Variants in GPHN observed in about 807,000 individuals in gnomAD.
The protein encoded by GPHN is gephyrin.
GPHN carries 17 observed loss-of-function variants against 95.5 expected under a neutral mutation model. That is an observed-to-expected ratio of 0.18 (90% CI 0.12 to 0.27). The LOEUF (loss-of-function observed/expected upper bound fraction) is 0.27, where lower values mean the gene tolerates loss of function less well. Ranked by LOEUF, GPHN falls within the 10% of genes least tolerant of loss-of-function variation. The pLI, the probability that GPHN is intolerant of heterozygous loss-of-function variation, is 1.00. For synonymous variants in GPHN, 320 were observed against 322.5 expected (o/e 0.99, Z 0.08); for missense variants, 660 against 978.1 (o/e 0.67, Z 4.34).
chr14:66,866,812 C>G (rs1182678771), intron 4 of GPHN, among the ~76,000 whole-genome samples: 1 of 152,050 alleles, frequency 6.6e-6, no homozygotes, highest in Non-Finnish European at 1.5e-5. Context: ...GAATAATTAC[C>G]TTTAAACATT....
intron 17 of GPHN, among the ~76,000 whole-genome samples, chr14:67,137,694 T>C (rs2080177870): frequency 6.6e-6 from 1 of 151,940 alleles, no homozygotes; most frequent in Non-Finnish European, 1.5e-5. Context: ...TAGCCTGGTA[T>C]GTGGAGGCTG....
intron 11 of GPHN, among the ~76,000 whole-genome samples, chr14:67,077,008 G>A (rs116038111): frequency 1.6e-4 from 24 of 152,234 alleles, no homozygotes; most frequent in African/African-American, 5.5e-4. Flanking sequence ...ATTTTGATAA[G>A]TGACTTTGAG....
At chr14:66,750,806 CAT>C (rs967384203) in intron 2 of GPHN, among the ~76,000 whole-genome samples, 5 of 151,962 alleles carry the variant, frequency 3.3e-5, no homozygotes, top group African/African-American at 9.7e-5. Flanking sequence ...CTTACTGCCA[CAT>C]ATTACTATTA....
the GPHN span, among the ~76,000 whole-genome samples, chr14:67,192,892 A>G: frequency 6.1e-4 from 90 of 146,424 alleles, 2 homozygotes; most frequent in African/African-American, 2.2e-3. Context: ...ATATCTAGAT[A>G]TCGATATCTA....
At chr14:66,728,580 G>A (rs886464857) in intron 2 of GPHN, among the ~76,000 whole-genome samples, 4 of 152,196 alleles carry the variant, frequency 2.6e-5, no homozygotes, top group African/African-American at 9.6e-5. Context: ...CATTTGATTT[G>A]ACGTAAGATT....
At chr14:66,777,604 A>C (rs1001802224) in intron 3 of GPHN, among the ~76,000 whole-genome samples, 49 of 152,306 alleles carry the variant, frequency 3.2e-4, no homozygotes, top group Non-Finnish European at 6.5e-4. Flanking sequence ...ATCCAGCAGC[A>C]CATCAAAAAG....
At chr14:67,182,987 A>G (rs974353456), downstream of GPHN, among the ~76,000 whole-genome samples, 1 of 152,000 alleles carries the variant, frequency 6.6e-6, no homozygotes. Context: ...CTGGAATTAC[A>G]GTTGTGAGAC....
chr14:67,245,829 CTT>C, the GPHN span, among the ~76,000 whole-genome samples: 9,124 of 152,084 alleles, frequency 0.06, 581 homozygotes, highest in African/African-American at 0.16. Context: ...TCTAAGAACT[CTT>C]TGCTCAATCC....
At position 67,125,881 on chromosome 14, in the gene GPHN, G is replaced by A. The variant is rs527918297; in HGVS notation, c.1748+3504G>A. On this transcript the variant is annotated intron_variant, in intron 17 of 22. Coordinates refer to ENST00000478722, the MANE Select transcript of GPHN (RefSeq NM_020806.5). Reference sequence around the variant, plus strand: ...TATCATTAAAAAAGGTTTGAGTCTGGTTTTTAAATTCTATATGATTCTATT... The same window carrying A: ...TATCATTAAAAAAGGTTTGAGTCTGATTTTTAAATTCTATATGATTCTATT... Among the ~76,000 whole-genome samples, 5 of 151,970 alleles carry A rather than the reference G, an allele frequency of 3.3e-5. 1 individual carries two copies. In the South Asian group the frequency reaches 1.0e-3, roughly 32 times the overall value.
the GPHN span, chr14:67,334,500 T>A: frequency 1.3e-5 from 2 of 152,630 alleles, no homozygotes; most frequent in African/African-American, 4.8e-5. Context: ...GTTTAAGGAG[T>A]AATTTGTGTC....
chr14:67,681,965 T>A, the GPHN span, among the ~76,000 whole-genome samples: 2 of 152,170 alleles, frequency 1.3e-5, no homozygotes, highest in African/African-American at 2.4e-5. Flanking sequence ...CATACCTGGA[T>A]TAATGTCACT....
At chr14:67,719,478 CT>C in the GPHN span, among the ~76,000 whole-genome samples, 1 of 151,982 alleles carries the variant, frequency 6.6e-6, no homozygotes, top group Non-Finnish European at 1.5e-5. Context: ...TTTATTTTTT[CT>C]TTTCTTTTTT....
chr14:66,565,673 TTA>T (rs1298580665), intron 1 of GPHN, among the ~76,000 whole-genome samples: 3 of 152,180 alleles, frequency 2.0e-5, no homozygotes, highest in African/African-American at 7.2e-5. Flanking sequence ...TGTAAAAGGA[TTA>T]TATAAAGTGA....
intron 1 of GPHN, among the ~76,000 whole-genome samples, chr14:66,669,998 C>A (rs976769690): frequency 7.9e-5 from 12 of 152,254 alleles, no homozygotes; most frequent in Admixed American, 3.9e-4. Context: ...CTTTGTATGA[C>A]AACTTATTTT....
At chr14:67,686,179 G>A in the GPHN span, 1 of 152,150 alleles carries the variant, frequency 6.6e-6, no homozygotes, top group East Asian at 1.9e-4. Flanking sequence ...TAGACAGACT[G>A]CCCAGTTTCA....
chr14:67,556,060 G>T, the GPHN span, among the ~76,000 whole-genome samples: 1 of 152,222 alleles, frequency 6.6e-6, no homozygotes, highest in African/African-American at 2.4e-5. Flanking sequence ...GTAAAGATCA[G>T]TGTAGCAAGT....
chr14:67,639,793 C>T, the GPHN span, among the ~76,000 whole-genome samples: 10 of 152,094 alleles, frequency 6.6e-5, no homozygotes, highest in East Asian at 3.9e-4. Context: ...GACGTGGTGG[C>T]GCACACCTGT....
rs113174689 is a variant in GPHN, at chr14:66,577,277, T to TTAAAAA, written c.64+68687_64+68688insAAAAAT. Among the ~76,000 whole-genome samples the TTAAAAA allele has an allele frequency of 3.6e-3, 552 of 152,248 alleles. 11 individuals carry two copies. Among genetic ancestry groups the TTAAAAA allele is most frequent in the African/African-American group, 0.013 (526 of 41,566 alleles). On this transcript the variant is annotated intron_variant, in intron 1 of 22. Transcript: ENST00000478722. ...AGGAACTGTACAAAGTTGGTAATTCTTGGGCATACAGTGATTTCAGGGTGA... is the reference window on the plus strand; with the variant it reads ...AGGAACTGTACAAAGTTGGTAATTCTTAAAAATGGGCATACAGTGATTTCAGGGTGA...
chr14:67,053,731 C>G lies in GPHN; in HGVS notation c.1007-4918C>G, dbSNP rs565752566. 4.6e-5 allele frequency among the ~76,000 whole-genome samples: 7 copies of G among 152,194 alleles called. No individual in the cohort carries two copies. In the East Asian group the frequency reaches 9.7e-4, roughly 21 times the overall value. On this transcript the variant is annotated intron_variant, in intron 10 of 22. Coordinates refer to ENST00000478722, the MANE Select transcript of GPHN (RefSeq NM_020806.5). ...AATTCTCAATAAAATACTGACAAAC[C>G]GAATCCAGCAGCACATCAAAAAGCT... is the stretch of plus-strand genomic sequence containing the variant.
Sources: gnomAD v4.1 joint callset for allele counts (sites outside exome capture counted in the v4.1 genomes callset) on GRCh38, gnomAD v4.1.1 for gene constraint, MANE v1.5 for transcripts, NCBI Gene and HGNC (gene_info 2026-07-23, HGNC 2026-07-21) for gene names.